Variants in GAS7 observed in about 807,000 individuals in gnomAD.
GAS7 encodes the protein growth arrest specific 7, also known as growth arrest-specific protein 7.
Under a neutral mutation model 71.1 loss-of-function variants are expected in GAS7, and 28 were observed. The observed-to-expected ratio is 0.39, with a 90% CI of 0.29 to 0.54. The LOEUF is 0.54. Ranked by LOEUF, GAS7 falls within the 20% of genes least tolerant of loss-of-function variation. GAS7 has a pLI of 0.62. For synonymous variants in GAS7, 258 were observed against 245.8 expected, an observed-to-expected ratio of 1.05 and a Z score of -0.46; for missense variants, 436 against 627.8, an observed-to-expected ratio of 0.69 and a Z score of 3.27.
chr17:10,198,436 C>A lies in GAS7; in HGVS notation c.-46G>T, dbSNP rs767826763. The A allele has an allele frequency of 7.1e-7, 1 of 1,408,108 alleles. No homozygotes were observed. Among genetic ancestry groups the A allele is most frequent in the South Asian group, 1.4e-5 (1 of 69,738 alleles). The allele number at this position is 1,408,108 out of a possible 1,614,324, so 87.2% of individuals were successfully genotyped here. ...CAGCGCAGCCTGCATTCCCGCCGAGCCCCACGGGCTGGGCAGCGGCTCCGC... is the reference window on the plus strand; with the variant it reads ...CAGCGCAGCCTGCATTCCCGCCGAGACCCACGGGCTGGGCAGCGGCTCCGC... On this transcript the variant is annotated 5_prime_UTR_variant, in exon 1 of 14. Transcript: ENST00000432992.
At chr17:10,149,853 A>G (rs933522802) in intron 1 of GAS7, among the ~76,000 whole-genome samples, 2 of 152,260 alleles carry the variant, frequency 1.3e-5, no homozygotes, top group Non-Finnish European at 2.9e-5. Context: ...AAAAGGCCAG[A>G]TATCATGTAA....
At position 10,026,285 on chromosome 17, in the gene GAS7, T is replaced by C. The variant is rs937079743; in HGVS notation, c.184-6388A>G. On this transcript the variant is annotated intron_variant, in intron 1 of 13. Transcript: ENST00000432992. The surrounding 1 kb of genome is among the most constrained non-coding windows in gnomAD (Gnocchi z 4.5). The stretch of plus-strand genomic sequence containing the variant: ...TCTCACACCCCAAACCCAGAAGCAA[T>C]AGGAGCTCTAAAGAAAAGCATATCC... 6 of 985,196 alleles carry C rather than the reference T, an allele frequency of 6.1e-6. No individual in the cohort carries two copies. The highest frequency in any genetic ancestry group is 4.7e-5 in the South Asian group (1 of 21,276). 61.0% of individuals were successfully genotyped at this position (985,196 alleles called of 1,614,324 possible).
chr17:10,129,946 G>C (rs769057401), intron 1 of GAS7, among the ~76,000 whole-genome samples: 1 of 152,194 alleles, frequency 6.6e-6, no homozygotes, highest in Non-Finnish European at 1.5e-5. Flanking sequence ...GGCCAAGGCA[G>C]GTGGATCGCG....
chr17:9,950,699 T>C (rs1002911758), intron 5 of GAS7, among the ~76,000 whole-genome samples: 1 of 151,256 alleles, frequency 6.6e-6, no homozygotes, highest in Non-Finnish European at 1.5e-5. Context: ...CTACTGAAAA[T>C]ACAAAAATTA....
chr17:10,154,833 A>G (rs987297176), intron 1 of GAS7, among the ~76,000 whole-genome samples: 1 of 151,456 alleles, frequency 6.6e-6, no homozygotes, highest in African/African-American at 2.4e-5. Flanking sequence ...TGCTCACTGC[A>G]CTGTGTTCAG....
chr17:10,063,296 C>CTGTG (rs148528620), intron 1 of GAS7, among the ~76,000 whole-genome samples: 1 of 151,846 alleles, frequency 6.6e-6, no homozygotes, highest in Non-Finnish European at 1.5e-5. Flanking sequence ...GTTTGTGTGT[C>CTGTG]TGTGTGTGTG....
At chr17:9,978,907 C>A (rs915495639) in intron 3 of GAS7, among the ~76,000 whole-genome samples, 8 of 152,100 alleles carry the variant, frequency 5.3e-5, no homozygotes, top group Non-Finnish European at 1.0e-4. Context: ...CACTAGTAAA[C>A]ATTTAGGGCC....
At chr17:10,053,231 G>A (rs534607506) in intron 1 of GAS7, among the ~76,000 whole-genome samples, 1 of 152,250 alleles carries the variant, frequency 6.6e-6, no homozygotes, top group African/African-American at 2.4e-5. Flanking sequence ...ATGGACCAAG[G>A]GGAAAAGATC....
chr17:10,067,970 C>G (rs2073299761), intron 1 of GAS7, among the ~76,000 whole-genome samples: 1 of 152,236 alleles, frequency 6.6e-6, no homozygotes, highest in South Asian at 2.1e-4. Flanking sequence ...GGGGTGTGGC[C>G]TCTCTGATAT....
At chr17:9,979,196 A>G (rs1290571186) in intron 3 of GAS7, among the ~76,000 whole-genome samples, 1 of 152,210 alleles carries the variant, frequency 6.6e-6, no homozygotes, top group African/African-American at 2.4e-5. Context: ...TCAGAATGCT[A>G]ATGTGCCTGT....
intron 3 of GAS7, among the ~76,000 whole-genome samples, chr17:9,970,632 A>AAAAAC (rs760182527): frequency 2.6e-5 from 4 of 151,560 alleles, no homozygotes; most frequent in Non-Finnish European, 5.9e-5. Flanking sequence ...AACTCCATCA[A>AAAAAC]AAAACAAAAC....
intron 11 of GAS7, among the ~76,000 whole-genome samples, chr17:9,922,782 A>G (rs1377320955): frequency 1.3e-5 from 2 of 152,258 alleles, no homozygotes; most frequent in East Asian, 3.8e-4. Flanking sequence ...CCAAATAGCA[A>G]AACATAATGA....
intron 1 of GAS7, among the ~76,000 whole-genome samples, chr17:10,038,008 TCAAAACTACA>T (rs2072787957): frequency 6.6e-6 from 1 of 151,016 alleles, no homozygotes; most frequent in African/African-American, 2.4e-5. Flanking sequence ...GAAATGCAAA[TCAAAACTACA>T]GTGAGATATT....
chr17:10,140,793 G>A (rs1234968049), intron 1 of GAS7, among the ~76,000 whole-genome samples: 1 of 152,214 alleles, frequency 6.6e-6, no homozygotes, highest in African/African-American at 2.4e-5. Flanking sequence ...TGGGGTAGTG[G>A]AAAGCCGTGG....
At chr17:9,929,641 A>AT (rs1414207165) in intron 9 of GAS7, among the ~76,000 whole-genome samples, 4 of 150,748 alleles carry the variant, frequency 2.7e-5, no homozygotes, top group East Asian at 1.9e-4. Context: ...AACCTGGCTA[A>AT]TTTTTTTTTG....
intron 2 of GAS7, among the ~76,000 whole-genome samples, chr17:9,995,847 C>T (rs1160298103): frequency 6.6e-6 from 1 of 152,088 alleles, no homozygotes; most frequent in Non-Finnish European, 1.5e-5. Flanking sequence ...GGGAAGTGAC[C>T]TAAATGTTCA....
At chr17:9,953,716 T>C (rs1166938076) in intron 5 of GAS7, among the ~76,000 whole-genome samples, 1 of 152,260 alleles carries the variant, frequency 6.6e-6, no homozygotes, top group Non-Finnish European at 1.5e-5. Flanking sequence ...ACGCTAGCTC[T>C]TCCCAGCAAG....
At chr17:10,109,764 AC>A (rs1412942419) in intron 1 of GAS7, among the ~76,000 whole-genome samples, 6 of 152,172 alleles carry the variant, frequency 3.9e-5, no homozygotes, top group Admixed American at 6.5e-5. Flanking sequence ...ACTTAAAAAT[AC>A]AAAAACAGGG....
intron 2 of GAS7, among the ~76,000 whole-genome samples, chr17:9,987,820 G>A (rs2070700126): frequency 6.6e-6 from 1 of 152,196 alleles, no homozygotes; most frequent in Non-Finnish European, 1.5e-5. Context: ...CCCTTGTTAA[G>A]GCTGCATCCT....
Sources: gnomAD v4.1 joint callset for allele counts (sites outside exome capture counted in the v4.1 genomes callset) on GRCh38, gnomAD v4.1.1 for gene constraint, Gnocchi (gnomAD v3.1) non-coding constraint, MANE v1.5 for transcripts, NCBI Gene and HGNC (gene_info 2026-07-23, HGNC 2026-07-21) for gene names.